The following ZC3H12B variants were observed in gnomAD, a reference collection of about 807,000 sequenced individuals.
The protein encoded by ZC3H12B is probable ribonuclease ZC3H12B.
ZC3H12B carries 7 observed loss-of-function variants against 43.9 expected under a neutral mutation model. The observed-to-expected ratio is 0.16, with a 90% CI of 0.09 to 0.30. ZC3H12B has a LOEUF of 0.30. Ranked by LOEUF, ZC3H12B falls within the 10% of genes least tolerant of loss-of-function variation. The pLI, the probability that ZC3H12B is intolerant of heterozygous loss-of-function variation, is 1.00. For missense variants in ZC3H12B, 475 were observed against 670.2 expected (o/e 0.71, Z 3.22); for synonymous variants, 222 against 241.7 (o/e 0.92, Z 0.76).
At chrX:65,183,477 G>C in the ZC3H12B span, among the ~76,000 whole-genome samples, 1 of 111,212 alleles carries the variant, frequency 9.0e-6, no homozygotes, top group African/African-American at 3.3e-5. Context: ...CTCATCATCT[G>C]AGTACACCAA....
chrX:65,275,443 G>A, the ZC3H12B span, among the ~76,000 whole-genome samples: 3 of 113,108 alleles, frequency 2.7e-5, no homozygotes, highest in South Asian at 7.2e-4. Flanking sequence ...CCCAAGTGCA[G>A]TGAAACAGGC....
At chrX:65,452,817 G>A (rs2067535789) in intron 3 of ZC3H12B, among the ~76,000 whole-genome samples, 1 of 101,895 alleles carries the variant, frequency 9.8e-6, no homozygotes, top group Non-Finnish European at 1.9e-5. Flanking sequence ...TTCCAGCCTG[G>A]GCAACAGAGT....
intron 3 of ZC3H12B, among the ~76,000 whole-genome samples, chrX:65,411,412 A>G (rs1465944144): frequency 8.9e-6 from 1 of 111,863 alleles, no homozygotes; most frequent in Non-Finnish European, 1.9e-5. Flanking sequence ...TAACTTAATC[A>G]TACATTTTTA....
chrX:65,431,829 A>T (rs1353964319), intron 3 of ZC3H12B, among the ~76,000 whole-genome samples: 1 of 112,123 alleles, frequency 8.9e-6, no homozygotes, highest in Non-Finnish European at 1.9e-5. Context: ...TTCTCCTTTC[A>T]AGCAAAATTA....
At chrX:65,129,573 G>T in the ZC3H12B span, among the ~76,000 whole-genome samples, 1 of 110,720 alleles carries the variant, frequency 9.0e-6, no homozygotes, top group Admixed American at 9.7e-5. Flanking sequence ...GTCAGTTAAG[G>T]CAAGAACCAG....
chrX:65,441,608 T>C (rs1430992147), intron 3 of ZC3H12B, among the ~76,000 whole-genome samples: 3 of 112,084 alleles, frequency 2.7e-5, no homozygotes, highest in African/African-American at 6.5e-5. Context: ...GATATAACAA[T>C]TTGAATTTCC....
the ZC3H12B span, among the ~76,000 whole-genome samples, chrX:65,229,655 C>A: frequency 2.9e-5 from 3 of 102,537 alleles, no homozygotes; most frequent in East Asian, 9.4e-4. Context: ...GGCTAATATC[C>A]AGAATCTACA....
chrX:65,286,671 A>G, the ZC3H12B span, among the ~76,000 whole-genome samples: 1 of 110,518 alleles, frequency 9.0e-6, no homozygotes, highest in African/African-American at 3.3e-5. Context: ...AAAATAAAGC[A>G]TTTCCAAGAA....
At chrX:65,368,428 C>T (rs2066202587) in intron 1 of ZC3H12B, among the ~76,000 whole-genome samples, 1 of 111,879 alleles carries the variant, frequency 8.9e-6, no homozygotes, top group African/African-American at 3.2e-5. Flanking sequence ...CATTTTGCTA[C>T]TTAATAAAAT....
At chrX:65,190,008 C>T in the ZC3H12B span, among the ~76,000 whole-genome samples, 14 of 110,997 alleles carry the variant, frequency 1.3e-4, no homozygotes, top group East Asian at 3.7e-3. Context: ...TTTCAGCTTC[C>T]TACATATGGC....
At chrX:65,230,269 G>T in the ZC3H12B span, among the ~76,000 whole-genome samples, 1 of 110,263 alleles carries the variant, frequency 9.1e-6, no homozygotes, top group Non-Finnish European at 1.9e-5. Flanking sequence ...ATCATTCTCA[G>T]TAAACTATTG....
intron 3 of ZC3H12B, among the ~76,000 whole-genome samples, chrX:65,446,706 C>T (rs1487843087): frequency 8.9e-6 from 1 of 112,032 alleles, no homozygotes; most frequent in Non-Finnish European, 1.9e-5. Context: ...ATTCTCTGTG[C>T]CTCACAGACA....
intron 3 of ZC3H12B, among the ~76,000 whole-genome samples, chrX:65,438,355 G>T (rs926712737): frequency 1.8e-5 from 2 of 111,820 alleles, no homozygotes; most frequent in Non-Finnish European, 3.8e-5. Context: ...CCATGATATG[G>T]AATATCTTTC....
chrX:65,106,324 G>A, the ZC3H12B span, among the ~76,000 whole-genome samples: 3 of 111,869 alleles, frequency 2.7e-5, no homozygotes, highest in Non-Finnish European at 3.8e-5. Context: ...GGAGCGTGGA[G>A]GGCATTGTGC....
chrX:65,426,250 G>T (rs1353966915), intron 3 of ZC3H12B, among the ~76,000 whole-genome samples: 1 of 109,292 alleles, frequency 9.1e-6, no homozygotes, highest in African/African-American at 3.3e-5. Flanking sequence ...TTACCTAGAG[G>T]TGTTTATAGC....
At chrX:65,474,377 T>C (rs746745016) in intron 3 of ZC3H12B, among the ~76,000 whole-genome samples, 64 of 111,101 alleles carry the variant, frequency 5.8e-4, no homozygotes, top group Non-Finnish European at 8.9e-4. Context: ...GTGACTCTCA[T>C]TGACAGCATA....
the ZC3H12B span, among the ~76,000 whole-genome samples, chrX:65,214,614 C>T: frequency 1.8e-5 from 2 of 111,569 alleles, no homozygotes; most frequent in African/African-American, 6.5e-5. Context: ...TCTACCACAT[C>T]TTCAGTGACT....
chrX:65,182,848 A>C, the ZC3H12B span, among the ~76,000 whole-genome samples: 1 of 112,415 alleles, frequency 8.9e-6, no homozygotes, highest in African/African-American at 3.2e-5. Flanking sequence ...TTATTAGAGA[A>C]ATGCAAATCA....
At chrX:65,154,987 T>G in the ZC3H12B span, among the ~76,000 whole-genome samples, 43 of 108,953 alleles carry the variant, frequency 3.9e-4, no homozygotes, top group South Asian at 7.0e-3. Flanking sequence ...TTTTTGACTG[T>G]GTCTTGCTCC....
Sources: gnomAD v4.1 joint callset for allele counts (sites outside exome capture counted in the v4.1 genomes callset) on GRCh38, gnomAD v4.1.1 for gene constraint, MANE v1.5 for transcripts, NCBI Gene and HGNC (gene_info 2026-07-23, HGNC 2026-07-21) for gene names.